Variants in ATF2 observed in about 807,000 individuals in gnomAD.
ATF2 encodes activating transcription factor 2.
Under a neutral mutation model 60.6 loss-of-function variants are expected in ATF2, and 24 were observed. The ratio of observed to expected loss-of-function variants is 0.40; its 90% CI spans 0.29 to 0.56. The LOEUF is 0.56. Among genes scored for constraint, ATF2 ranks in the 20% least tolerant of loss-of-function variants. The pLI is 0.54. For synonymous variants in ATF2, 206 were observed against 215.4 expected (o/e 0.96, Z 0.38); for missense variants, 433 against 607.7 (o/e 0.71, Z 3.02).
Position 175,152,542 on chromosome 2 carries a change from C to T in ATF2, c.-142-1384G>A, listed in dbSNP as rs115209110. On this transcript the variant is annotated intron_variant, in intron 1 of 13. Coordinates refer to ENST00000264110, the MANE Select transcript of ATF2 (RefSeq NM_001880.4). ...TCAAAGAGAAAGACACTTTTCTCTA[C>T]GTTTTCTCAGTGCTGAGCTTCCATT... Among the ~76,000 whole-genome samples the T allele has an allele frequency of 6.4e-4, 98 of 152,256 alleles. 1 individual carries two copies. The highest frequency in any genetic ancestry group is 2.2e-3 in the African/African-American group (92 of 41,560).
At chr2:175,091,860 C>A (rs1475967664) in intron 12 of ATF2, among the ~76,000 whole-genome samples, 3 of 151,958 alleles carry the variant, frequency 2.0e-5, no homozygotes, top group Non-Finnish European at 4.4e-5. Flanking sequence ...GAGACTCCGT[C>A]TCAAAAACAA....
chr2:175,133,642 A>C (rs1321064155), intron 3 of ATF2, among the ~76,000 whole-genome samples: 1 of 152,206 alleles, frequency 6.6e-6, no homozygotes, highest in Non-Finnish European at 1.5e-5. Context: ...TTAAGGATTC[A>C]TAACTTTAAA....
chr2:175,129,617 G>A (rs1374145819), intron 4 of ATF2, among the ~76,000 whole-genome samples: 1 of 151,336 alleles, frequency 6.6e-6, no homozygotes, highest in African/African-American at 2.4e-5. Flanking sequence ...AGTATAATAG[G>A]AATAGATTAA....
intron 10 of ATF2, among the ~76,000 whole-genome samples, chr2:175,104,759 CATTTTA>C (rs1265210144): frequency 6.6e-6 from 1 of 152,166 alleles, no homozygotes; most frequent in Non-Finnish European, 1.5e-5. Context: ...ATACCACTGA[CATTTTA>C]ATTTCAAACT....
At chr2:175,137,638 T>G (rs1434944543) in intron 2 of ATF2, among the ~76,000 whole-genome samples, 2 of 152,182 alleles carry the variant, frequency 1.3e-5, no homozygotes, top group Non-Finnish European at 2.9e-5. Flanking sequence ...TAAAATATTA[T>G]GAGAGTAGAG....
chr2:175,108,510 G>T (rs1349195075), intron 10 of ATF2, among the ~76,000 whole-genome samples: 2 of 150,060 alleles, frequency 1.3e-5, no homozygotes, highest in South Asian at 2.1e-4. Flanking sequence ...GGAGGGAGGT[G>T]GGGGGTCAGC....
chr2:175,126,904 ATCTC>A (rs1697374931), intron 4 of ATF2: 1 of 152,186 alleles, frequency 6.6e-6, no homozygotes, highest in Non-Finnish European at 1.5e-5. Flanking sequence ...GAGTAATACT[ATCTC>A]TCATTCCATT....
intron 13 of ATF2, among the ~76,000 whole-genome samples, chr2:175,075,690 C>A (rs547357938): frequency 6.6e-6 from 1 of 152,014 alleles, no homozygotes. Context: ...ACCTGGGAAC[C>A]GAGCCGCCAA....
intron 10 of ATF2, among the ~76,000 whole-genome samples, chr2:175,108,368 T>TG (rs908908965): frequency 4.5e-5 from 6 of 134,168 alleles, no homozygotes; most frequent in South Asian, 2.4e-4. Flanking sequence ...GGGAGGGAGG[T>TG]GGGGGGTCAG....
At chr2:175,134,923 G>A (rs1356345442) in intron 3 of ATF2, among the ~76,000 whole-genome samples, 1 of 149,372 alleles carries the variant, frequency 6.7e-6, no homozygotes, top group Non-Finnish European at 1.5e-5. Context: ...AGGATCTCTT[G>A]AGCCCAGGAG....
chr2:175,097,323 T>C, intron 11 of ATF2, 121 bp downstream of exon 11: 11 of 1,376,994 alleles, frequency 8.0e-6, no homozygotes, highest in East Asian at 2.3e-5. Flanking sequence ...CCTGAGGCTT[T>C]TGATACATCT....
chr2:175,164,462 A>T (rs1028023091), intron 1 of ATF2, among the ~76,000 whole-genome samples: 1 of 152,148 alleles, frequency 6.6e-6, no homozygotes, highest in Admixed American at 6.5e-5. Flanking sequence ...TGAATCCGGG[A>T]GGTGGAGATT....
At position 175,142,685 on chromosome 2, in the gene ATF2, AAGAGAGAG is replaced by A. The variant is rs371270320; in HGVS notation, c.-43-6207_-43-6200del. ...TTCTAAAAAACCCTAACGCTGCCGA[AAGAGAGAG>A]AGAGAGAGAGAGAGAGAGAGAGAGA... On this transcript the variant is annotated intron_variant, in intron 2 of 13. Transcript: ENST00000264110. Among the ~76,000 whole-genome samples the A allele has an allele frequency of 4.7e-3, 595 of 126,416 alleles. 2 individuals are homozygous for A. Among genetic ancestry groups the A allele is most frequent in the African/African-American group, 0.017 (542 of 32,810 alleles). The allele number at this position is 126,416 out of a possible 152,430, so 82.9% of individuals were successfully genotyped here. A position where few individuals can be genotyped will look rare whatever the true frequency, so the allele number is the denominator to read the frequency against.
chr2:175,116,871 T>C lies in ATF2; in HGVS notation c.447+1119A>G, dbSNP rs1696610506. Among the ~76,000 whole-genome samples the C allele has an allele frequency of 2.0e-5, 3 of 151,946 alleles. No individual in the cohort carries two copies. The South Asian group carries it at 6.2e-4, about 31-fold the overall frequency. ...ACTGTAATAATGTGGAAACAACCTT[T>C]ATGTCCAAAAAGAACAGGATAACAT... On this transcript the variant is annotated intron_variant, in intron 7 of 13. Transcript: ENST00000264110.
At chr2:175,134,830 A>T (rs1574451933) in intron 3 of ATF2, among the ~76,000 whole-genome samples, 1 of 151,692 alleles carries the variant, frequency 6.6e-6, no homozygotes, top group South Asian at 2.1e-4. Context: ...CAAATAATTT[A>T]AAACAGCCAC....
At chr2:175,122,723 T>C (rs1559088327) in intron 4 of ATF2, among the ~76,000 whole-genome samples, 1 of 151,984 alleles carries the variant, frequency 6.6e-6, no homozygotes, top group Non-Finnish European at 1.5e-5. Context: ...CATATGTCTG[T>C]CCTTTTAAGT....
intron 1 of ATF2, among the ~76,000 whole-genome samples, chr2:175,160,708 G>T (rs76684848): frequency 0.021 from 3,168 of 152,256 alleles, 54 homozygotes; most frequent in Middle Eastern, 0.034. Context: ...AAGGAGAAAT[G>T]AAAGGTTTCC....
At chr2:175,079,034 A>G (rs1159850923) in intron 13 of ATF2, among the ~76,000 whole-genome samples, 1 of 152,174 alleles carries the variant, frequency 6.6e-6, no homozygotes, top group Non-Finnish European at 1.5e-5. Flanking sequence ...CTCATAACTT[A>G]GTACTCTATG....
Position 175,116,143 on chromosome 2 carries a change from A to G in ATF2, c.448-1275T>C, listed in dbSNP as rs527455430. 2.6e-5 allele frequency among the ~76,000 whole-genome samples: 4 copies of G among 152,280 alleles called. No homozygotes were observed. In the South Asian group the frequency reaches 8.3e-4, roughly 32 times the overall value. Reference sequence around the variant, plus strand: ...GGTAGACCATTGAAAGATTTTAAGCAGGTGACATATTTAATGTATTAAAAG... The same window carrying G: ...GGTAGACCATTGAAAGATTTTAAGCGGGTGACATATTTAATGTATTAAAAG... On this transcript the variant is annotated intron_variant, in intron 7 of 13. Transcript: ENST00000264110.
Sources: allele counts gnomAD v4.1 joint callset (sites outside exome capture counted in the v4.1 genomes callset), GRCh38; gene constraint gnomAD v4.1.1; transcripts MANE v1.5; gene names NCBI Gene and HGNC (gene_info 2026-07-23, HGNC 2026-07-21).